The following CTSB variants were observed in gnomAD, a reference collection of about 807,000 sequenced individuals.
The protein encoded by CTSB is cathepsin B, also known as APP secretase.
CTSB carries 57 observed loss-of-function variants against 44.3 expected under a neutral mutation model. The observed-to-expected ratio is 1.29, with a 90% CI of 1.04 to 1.60. The LOEUF (loss-of-function observed/expected upper bound fraction) is 1.60, where lower values mean the gene tolerates loss of function less well. Among genes scored for constraint, CTSB ranks in the 40% most tolerant of loss-of-function variants. The probability of loss-of-function intolerance (pLI) is 0.00; values close to 1 mark genes in which losing one functional copy is unlikely to be tolerated. For synonymous variants in CTSB, 320 were observed against 168.0 expected (o/e 1.91, Z -7.00); for missense variants, 768 against 443.0 (o/e 1.73, Z -6.59).
chr8:11,849,175 G>A lies in CTSB; in HGVS notation c.328-11C>T, dbSNP rs778985441. ...CACAGCCCCGAAGGCCTGCAGGAAC[G>A]AGCCCCACCGGGTGAGGCTGCCATG... is the stretch of plus-strand genomic sequence containing the variant. On this transcript the variant is annotated splice_polypyrimidine_tract_variant and intron_variant, in intron 4 of 9. Coordinates refer to ENST00000353047, the MANE Select transcript of CTSB (RefSeq NM_001908.5). 60 of 1,607,910 alleles carry A rather than the reference G, an allele frequency of 3.7e-5. No homozygotes were observed. Among genetic ancestry groups the A allele is most frequent in the African/African-American group, 4.0e-5 (3 of 74,934 alleles).
rs1812509123 is a variant in CTSB at position 11,842,907 on chromosome 8, G to C, written c.*2218C>G. On this transcript the variant is annotated 3_prime_UTR_variant, in exon 10 of 10. Transcript: ENST00000353047. Reference sequence around the variant, plus strand: ...CCGCCTCAGCCTCCCAAAGTGCTGGGATTACAGGCTTGAGCCACTGCGCCC... The same window carrying C: ...CCGCCTCAGCCTCCCAAAGTGCTGGCATTACAGGCTTGAGCCACTGCGCCC... 1 of 148,822 alleles carries C rather than the reference G, an allele frequency of 6.7e-6. No individual in the cohort carries two copies. Among genetic ancestry groups the C allele is most frequent in the Non-Finnish European group, 1.5e-5 (1 of 67,742 alleles). The allele number at this position is 148,822 out of a possible 1,614,324, so 9.2% of individuals were successfully genotyped here.
chr8:11,865,505 C>G (rs1816991395), intron 1 of CTSB: 1 of 52,598 alleles, frequency 1.9e-5, no homozygotes, highest in Admixed American at 2.5e-4. Context: ...AGGAGAATGG[C>G]TTGAACACAG....
chr8:11,849,427 T>A (rs992498982), intron 4 of CTSB: 4 of 318,812 alleles, frequency 1.3e-5, no homozygotes, highest in African/African-American at 2.1e-5. Context: ...ATTAGAGGCG[T>A]GATGAGCCAC....
intron 1 of CTSB, among the ~76,000 whole-genome samples, chr8:11,859,768 A>AG (rs1816102540): frequency 9.7e-5 from 3 of 30,774 alleles, no homozygotes; most frequent in Admixed American, 8.1e-4. Context: ...ACTCTGTCTC[A>AG]AAAAAAAAAA....
At position 11,844,213 on chromosome 8, in the gene CTSB, A is replaced by C. The variant is rs1812797021; in HGVS notation, c.*912T>G. The C allele has an allele frequency of 6.6e-6, 1 of 152,230 alleles. No homozygotes were observed. Among genetic ancestry groups the C allele is most frequent in the Non-Finnish European group, 1.5e-5 (1 of 68,052 alleles). 9.4% of individuals were successfully genotyped at this position (152,230 alleles called of 1,614,324 possible). On this transcript the variant is annotated 3_prime_UTR_variant, in exon 10 of 10. Transcript: ENST00000353047. ...GTTAAGATGAAGTCCCAAGAGTCGCAAGAACATGCAGTTCCAGGACGTGAT... is the reference window on the plus strand; with the variant it reads ...GTTAAGATGAAGTCCCAAGAGTCGCCAGAACATGCAGTTCCAGGACGTGAT...
chr8:11,855,185 C>G (rs1187961470), intron 1 of CTSB, among the ~76,000 whole-genome samples: 1 of 152,266 alleles, frequency 6.6e-6, no homozygotes, highest in East Asian at 1.9e-4. Flanking sequence ...TCATGCCCAG[C>G]TAATTTTCAT....
Position 11,845,201 on chromosome 8 carries a change from C to G in CTSB, c.944G>C (p.Gly315Ala). The change falls in exon 10 of 10, where the codon GGA (glycine) becomes GCA (alanine). Residue 315 changes from glycine to alanine, a missense_variant. Coordinates refer to ENST00000353047, the MANE Select transcript of CTSB (RefSeq NM_001908.5). Reference protein sequence around the residue: ...GDNGFFKILRGQDHCGIESEV... With the variant: ...GDNGFFKILRAQDHCGIESEV... ...TGATTCGATTCCACAGTGATCCTGT[C>G]CTCTGAGTATTTTAAAGAAGCCTGG... is the stretch of plus-strand genomic sequence containing the variant. The G allele has an allele frequency of 1.2e-6, 2 of 1,613,588 alleles. No individual in the cohort carries two copies. The highest frequency in any genetic ancestry group is 1.7e-6 in the Non-Finnish European group (2 of 1,179,512).
At chr8:11,847,341 TG>T (rs1305849359) in intron 7 of CTSB, among the ~76,000 whole-genome samples, 173 bp from the exon 8 acceptor site, 4 of 151,950 alleles carry the variant, frequency 2.6e-5, no homozygotes, top group Admixed American at 6.6e-5. Flanking sequence ...AGGACAGGGC[TG>T]GGGCTGGAAG....
chr8:11,849,254 G>C, intron 4 of CTSB, 90 bp from the exon 5 acceptor site: 1 of 919,734 alleles, frequency 1.1e-6, no homozygotes, highest in Non-Finnish European at 1.7e-6. Flanking sequence ...GGGCACCTCA[G>C]ACCTTGTAGG....
chr8:11,845,091 G>C lies in CTSB; in HGVS notation c.*34C>G. On this transcript the variant is annotated 3_prime_UTR_variant, in exon 10 of 10. Transcript: ENST00000353047. ...TAAAATGCATTTCTACCCCGATCTC[G>C]CCCCCAGGACTGGCACGACAGGCCC... 1 of 1,392,742 alleles carries C rather than the reference G, an allele frequency of 7.2e-7. No homozygotes were observed. Among genetic ancestry groups the C allele is most frequent in the South Asian group, 1.2e-5 (1 of 86,426 alleles). The allele number at this position is 1,392,742 out of a possible 1,614,324, so 86.3% of individuals were successfully genotyped here. A position where few individuals can be genotyped will look rare whatever the true frequency, so the allele number is the denominator to read the frequency against.
intron 4 of CTSB, chr8:11,850,032 G>A (rs774657979): frequency 6.6e-6 from 1 of 152,352 alleles, no homozygotes; most frequent in African/African-American, 2.4e-5. Context: ...TGGGGACAGA[G>A]TTTCTGTCTT....
chr8:11,853,511 T>A, intron 1 of CTSB, 32 bp from the exon 2 acceptor site: 1 of 1,582,278 alleles, frequency 6.3e-7, no homozygotes. Flanking sequence ...AGGACACCTC[T>A]CTGTTATGTG....
At position 11,850,999 on chromosome 8, in the gene CTSB, T is replaced by C; in HGVS notation, c.213-19A>G. On this transcript the variant is annotated intron_variant, in intron 3 of 9. Coordinates refer to ENST00000353047, the MANE Select transcript of CTSB (RefSeq NM_001908.5). ...CATAACTCTGGATAAAGGAAGGTCTTCATTACAAGCTCTGATCCCACAACT... is the reference window on the plus strand; with the variant it reads ...CATAACTCTGGATAAAGGAAGGTCTCCATTACAAGCTCTGATCCCACAACT... The C allele has an allele frequency of 1.3e-6, 2 of 1,580,694 alleles. No individual in the cohort carries two copies. The highest frequency in any genetic ancestry group is 1.7e-6 in the Non-Finnish European group (2 of 1,152,812).
intron 9 of CTSB, among the ~76,000 whole-genome samples, 156 bp from the exon 10 acceptor site, chr8:11,845,378 G>A (rs1042845279): frequency 6.6e-6 from 1 of 152,154 alleles, no homozygotes; most frequent in African/African-American, 2.4e-5. Flanking sequence ...TGGAGCCGTG[G>A]GGCACACCTC....
rs200851570 is a variant in CTSB, at chr8:11,845,697, C to T, written c.886G>A (p.Val296Ile). ...CAGTCAGTGTTCCAGGAGTTGGCAACCAGCCAGTAGGGTGTGCCATTCTCC... is the reference window on the plus strand; with the variant it reads ...CAGTCAGTGTTCCAGGAGTTGGCAATCAGCCAGTAGGGTGTGCCATTCTCC... ...GVENGTPYWL[V>I]ANSWNTDWGD... Residue 296 changes from valine to isoleucine, a missense_variant, in exon 9 of 10, where the codon GTT becomes ATT. Val to Ile is a conservative substitution (Grantham distance 29, BLOSUM62 3). Coordinates refer to ENST00000353047, the MANE Select transcript of CTSB (RefSeq NM_001908.5). 52 of 1,614,054 alleles carry T rather than the reference C, an allele frequency of 3.2e-5. No individual in the cohort carries two copies. The highest frequency in any genetic ancestry group is 1.7e-4 in the Middle Eastern group (1 of 6,058).
chr8:11,851,437 G>C (rs150023964), intron 3 of CTSB, among the ~76,000 whole-genome samples: 2,375 of 152,254 alleles, frequency 0.016, 50 homozygotes, highest in African/African-American at 0.055. Context: ...TGATCTGCCT[G>C]CCTTGGCCTC....
chr8:11,852,744 G>C (rs764349544), intron 2 of CTSB, 49 bp from the exon 3 acceptor site: 3 of 1,548,554 alleles, frequency 1.9e-6, no homozygotes, highest in Non-Finnish European at 2.7e-6. Context: ...GATGGCGGTG[G>C]ATGGGCACGC....
chr8:11,862,840 C>A (rs1023298978), intron 1 of CTSB, among the ~76,000 whole-genome samples: 1 of 152,258 alleles, frequency 6.6e-6, no homozygotes, highest in Admixed American at 6.5e-5. Context: ...TTCTACAGGG[C>A]TCTCTACTGG....
intron 1 of CTSB, among the ~76,000 whole-genome samples, chr8:11,855,188 A>T (rs1222051495): frequency 5.9e-5 from 9 of 151,960 alleles, no homozygotes; most frequent in African/African-American, 9.7e-5. Flanking sequence ...TGCCCAGCTA[A>T]TTTTCATATT....
Sources: allele counts gnomAD v4.1 joint callset (sites outside exome capture counted in the v4.1 genomes callset), GRCh38; gene constraint gnomAD v4.1.1; transcripts MANE v1.5; gene names NCBI Gene and HGNC (gene_info 2026-07-23, HGNC 2026-07-21).